The following TNFRSF4 variants were observed in gnomAD, a reference collection of about 807,000 sequenced individuals.
The protein encoded by TNFRSF4 is tumor necrosis factor receptor superfamily member 4.
TNFRSF4 carries 21 observed loss-of-function variants against 29.5 expected under a neutral mutation model. That is an observed-to-expected ratio of 0.71 (90% confidence interval 0.51 to 1.03). The LOEUF is 1.03. Among genes scored for constraint, TNFRSF4 ranks in the 50% least tolerant of loss-of-function variants. The pLI is 0.00. For synonymous variants in TNFRSF4, 197 were observed against 172.7 expected (o/e 1.14, Z -1.10); for missense variants, 408 against 387.8 (o/e 1.05, Z -0.44).
At position 1,212,020 on chromosome 1, in the gene TNFRSF4, G is replaced by A. The variant is rs762501434; in HGVS notation, c.556C>T (p.Pro186Ser). 6.2e-7 allele frequency: 1 copy of A among 1,610,452 alleles called. No individual in the cohort carries two copies. The highest frequency in any genetic ancestry group is 2.2e-5 in the East Asian group (1 of 44,838). The part of the protein sequence containing the change: ...PQETQGPPAR[P>S]ITVQPTEAWP... ...GCTTCAGTGGGCTGGACAGTGATGG[G>A]CCTGGCCGGGGGGCCCTGGGTCTCC... The change falls in exon 5 of 7, where the codon CCC becomes TCC. Residue 186 changes from proline (P) to serine (S), a missense_variant. Pro to Ser is a moderately conservative substitution (Grantham distance 74). Coordinates refer to ENST00000379236, the MANE Select transcript of TNFRSF4 (RefSeq NM_003327.4).
intron 4 of TNFRSF4, 24 bp from the exon 5 acceptor site, chr1:1,212,162 C>T (rs1158381728): frequency 6.2e-7 from 1 of 1,611,554 alleles, no homozygotes; most frequent in South Asian, 1.1e-5. Flanking sequence ...GGAGGTGTTG[C>T]TCAGGCCAGA....
At chr1:1,211,900 T>A in intron 5 of TNFRSF4, 42 bp downstream of exon 5, 1 of 1,508,576 alleles carries the variant, frequency 6.6e-7, no homozygotes. Flanking sequence ...CCTTCTCCTA[T>A]TCGGGTTGGG....
Position 1,211,509 on chromosome 1 carries a change from G to A in TNFRSF4, c.*46C>T, listed in dbSNP as rs143747522. On this transcript the variant is annotated 3_prime_UTR_variant, in exon 7 of 7. Transcript: ENST00000379236. ...GCCCTGCTCGCCCAGCAGACCCTCC[G>A]GGCTCCAGCCTGGCGGGGCCCAGCG... 7.1e-5 allele frequency: 104 copies of A among 1,470,214 alleles called. No individual in the cohort carries two copies. The highest frequency in any genetic ancestry group is 8.8e-5 in the Non-Finnish European group (98 of 1,113,826). The allele number at this position is 1,470,214 out of a possible 1,614,324, so 91.1% of individuals were successfully genotyped here.
chr1:1,212,194 T>C, intron 4 of TNFRSF4, 56 bp from the exon 5 acceptor site: 3 of 1,587,580 alleles, frequency 1.9e-6, no homozygotes. Context: ...ACCCGGGAGA[T>C]GCGGTGGGGA....
rs1342636710 is a variant in TNFRSF4, at chr1:1,212,982, C to T, written c.370+10G>A. The T allele has an allele frequency of 3.1e-6, 5 of 1,606,478 alleles. No homozygotes were observed. In the African/African-American group the frequency reaches 6.7e-5, roughly 21 times the overall value. Reference sequence around the variant, plus strand: ...CACCCCCAACCGCCGGCCGCAGCCACCGAGCTCACCAACTCCAGGCTTGTA... The same window carrying T: ...CACCCCCAACCGCCGGCCGCAGCCATCGAGCTCACCAACTCCAGGCTTGTA... On this transcript the variant is annotated intron_variant, in intron 3 of 6. Transcript: ENST00000379236.
chr1:1,212,386 C>A (rs1649186449), intron 4 of TNFRSF4, among the ~76,000 whole-genome samples: 1 of 151,718 alleles, frequency 6.6e-6, no homozygotes, highest in Non-Finnish European at 1.5e-5. Flanking sequence ...GGCCTCCCAG[C>A]TGCGGAGGGT....
Position 1,212,000 on chromosome 1 carries a change from A to G in TNFRSF4, c.576T>C (p.Thr192=), listed in dbSNP as rs1570463614. ...PPARPITVQP[T]EAWPRTSQGP... ...CCTGTGAGGTTCTGGGCCAGGCTTC[A>G]GTGGGCTGGACAGTGATGGGCCTGG... Residue 192 remains threonine, a synonymous_variant, in exon 5 of 7, where the codon ACT becomes ACC. Coordinates refer to ENST00000379236, the MANE Select transcript of TNFRSF4 (RefSeq NM_003327.4). 2 of 1,607,380 alleles carry G rather than the reference A, an allele frequency of 1.2e-6. No homozygotes were observed. The highest frequency in any genetic ancestry group is 2.2e-5 in the East Asian group (1 of 44,740).
chr1:1,213,163 C>A (rs750146258), intron 2 of TNFRSF4, 70 bp from the exon 3 acceptor site: 2 of 1,546,524 alleles, frequency 1.3e-6, no homozygotes, highest in Non-Finnish European at 1.7e-6. Flanking sequence ...AGCGTGGGCA[C>A]TGGAGGACAG....
chr1:1,213,438 C>T, intron 2 of TNFRSF4: 1 of 1,527,358 alleles, frequency 6.5e-7, no homozygotes, highest in South Asian at 1.2e-5. Context: ...GCGTGGTCTC[C>T]CCGACTCCAC....
intron 3 of TNFRSF4, 74 bp from the exon 4 acceptor site, chr1:1,212,778 G>T: frequency 7.4e-7 from 1 of 1,349,334 alleles, no homozygotes. Context: ...GAGCCTGTGG[G>T]GCAGGCACTT....
Position 1,211,627 on chromosome 1 carries a change from TG to T in TNFRSF4, c.764-3del. On this transcript the variant is annotated splice_polypyrimidine_tract_variant and splice_region_variant and intron_variant, in intron 6 of 6. Transcript: ENST00000379236. ...TGGGGGTCCGGAAACTGCCTCCCCC[TG>T]GGGAGGAAAAAAGGAGAGATTGGTG... is the stretch of plus-strand genomic sequence containing the variant. 6.4e-7 allele frequency: 1 copy of T among 1,554,420 alleles called. No homozygotes were observed. Among genetic ancestry groups the T allele is most frequent in the Non-Finnish European group, 8.7e-7 (1 of 1,152,348 alleles).
At chr1:1,213,440 C>A (rs765744526) in intron 2 of TNFRSF4, 6 of 1,526,682 alleles carry the variant, frequency 3.9e-6, no homozygotes, top group Non-Finnish European at 4.4e-6. Context: ...GTGGTCTCCC[C>A]GACTCCACGT....
In TNFRSF4 at chr1:1,212,147, G is replaced by T. The variant is rs1477832175; in HGVS notation, c.438-9C>A. On this transcript the variant is annotated splice_polypyrimidine_tract_variant and intron_variant, in intron 4 of 6. Transcript: ENST00000379236. ...TCCCAGCCAAGGTGCAGCTGTTGGG[G>T]AACAGGAGGTGTTGCTCAGGCCAGA... 11 of 1,612,348 alleles carry T rather than the reference G, an allele frequency of 6.8e-6. No homozygotes were observed. The highest frequency in any genetic ancestry group is 9.3e-6 in the Non-Finnish European group (11 of 1,179,704).
intron 3 of TNFRSF4, 31 bp downstream of exon 3, chr1:1,212,961 C>T: frequency 6.3e-7 from 1 of 1,583,552 alleles, no homozygotes; most frequent in Non-Finnish European, 8.6e-7. Flanking sequence ...TATGCACACC[C>T]CCAACCGCCG....
At position 1,213,968 on chromosome 1, in the gene TNFRSF4, C is replaced by T; in HGVS notation, c.145+15G>A. ...CTGGAGTGCCCGTGCGTGGCGACCC[C>T]TCCTGAGGCCTCACCTGGCCTGCAC... On this transcript the variant is annotated intron_variant, in intron 1 of 6. Coordinates refer to ENST00000379236, the MANE Select transcript of TNFRSF4 (RefSeq NM_003327.4). 2 of 1,592,040 alleles carry T rather than the reference C, an allele frequency of 1.3e-6. No homozygotes were observed. The highest frequency in any genetic ancestry group is 1.1e-5 in the South Asian group (1 of 88,636).
rs772275527 is a variant in TNFRSF4 at position 1,211,727 on chromosome 1, G to A, written c.740C>T (p.Pro247Leu). 1.9e-6 allele frequency: 3 copies of A among 1,583,742 alleles called. No homozygotes were observed. The highest frequency in any genetic ancestry group is 1.1e-5 in the South Asian group (1 of 87,770). The stretch of plus-strand genomic sequence containing the variant: ...ACCAGGGGGCTTGTGGGCATCGGGG[G>A]GCAGCCTCTGGTCCCTCCGGAGCAG... ...LYLLRRDQRL[P>L]PDAHKPPGGG... Residue 247 changes from proline (P) to leucine (L), a missense_variant, in exon 6 of 7, where the codon CCC becomes CTC. By Grantham distance (98) the Pro-to-Leu change is moderately conservative. Transcript: ENST00000379236.
chr1:1,211,844 G>C lies in TNFRSF4; in HGVS notation c.635-12C>G. ...GGCAACCGCACGGCCTGCAGGAAGGGGTCTGCTGGGTGGGGTCCACAGGAG... is the reference window on the plus strand; with the variant it reads ...GGCAACCGCACGGCCTGCAGGAAGGCGTCTGCTGGGTGGGGTCCACAGGAG... On this transcript the variant is annotated splice_polypyrimidine_tract_variant and intron_variant, in intron 5 of 6. Transcript: ENST00000379236. 2 of 1,536,246 alleles carry C rather than the reference G, an allele frequency of 1.3e-6. No homozygotes were observed. Among genetic ancestry groups the C allele is most frequent in the Non-Finnish European group, 1.7e-6 (2 of 1,145,784 alleles).
chr1:1,213,127 G>C (rs1399808527), intron 2 of TNFRSF4, 34 bp from the exon 3 acceptor site: 1 of 1,584,758 alleles, frequency 6.3e-7, no homozygotes. Context: ...GTGGTCAGGT[G>C]GGGGCTGTGG....
In TNFRSF4 at chr1:1,212,115, G is replaced by C. The variant is rs1210545506; in HGVS notation, c.461C>G (p.Thr154Ser). 1.2e-6 allele frequency: 2 copies of C among 1,612,530 alleles called. No homozygotes were observed. The highest frequency in any genetic ancestry group is 4.5e-5 in the East Asian group (2 of 44,886). The change falls in exon 5 of 7, where the codon ACC becomes AGC. Residue 154 changes from threonine (T) to serine (S), a missense_variant. By Grantham distance (58) the Thr-to-Ser change is moderately conservative. Transcript: ENST00000379236. ...CGAGCTATTGCTGGCCGGCTGCAGGGTGTGCTTCCCAGCCAAGGTGCAGCT... is the reference window on the plus strand; with the variant it reads ...CGAGCTATTGCTGGCCGGCTGCAGGCTGTGCTTCCCAGCCAAGGTGCAGCT... Reference protein sequence around the residue: ...WTNCTLAGKHTLQPASNSSDA... With the variant: ...WTNCTLAGKHSLQPASNSSDA...
Sources: allele counts gnomAD v4.1 joint callset (sites outside exome capture counted in the v4.1 genomes callset), GRCh38; gene constraint gnomAD v4.1.1; transcripts MANE v1.5; gene names NCBI Gene and HGNC (gene_info 2026-07-23, HGNC 2026-07-21).